The following CORO2A variants were observed in gnomAD, a reference collection of about 807,000 sequenced individuals.
CORO2A encodes coronin-2A.
A neutral mutation model predicts 62.4 loss-of-function variants in CORO2A; 47 were observed. The observed-to-expected ratio is 0.75, with a 90% CI of 0.60 to 0.96. The LOEUF is 0.96. Ranked by LOEUF, CORO2A falls within the 40% of genes least tolerant of loss-of-function variation. The pLI, the probability that CORO2A is intolerant of heterozygous loss-of-function variation, is 0.00. For synonymous variants in CORO2A, 273 were observed against 268.9 expected (o/e 1.02, Z -0.15); for missense variants, 610 against 684.1 (o/e 0.89, Z 1.21).
intron 2 of CORO2A, among the ~76,000 whole-genome samples, chr9:98,139,317 C>T (rs903253181): frequency 3.9e-5 from 6 of 152,010 alleles, no homozygotes; most frequent in African/African-American, 1.2e-4. Context: ...CAGGACAAAA[C>T]CCCGTCTCTA....
chr9:98,143,188 G>A (rs1172731138), intron 2 of CORO2A, among the ~76,000 whole-genome samples: 2 of 152,200 alleles, frequency 1.3e-5, no homozygotes, highest in Admixed American at 6.5e-5. Context: ...AAGTCTCCAA[G>A]GGGCTGCCCT....
At chr9:98,180,132 G>A (rs1828159450) in intron 1 of CORO2A, among the ~76,000 whole-genome samples, 1 of 152,164 alleles carries the variant, frequency 6.6e-6, no homozygotes, top group Admixed American at 6.5e-5. Context: ...CTCCCTGACA[G>A]GGCAGGCTGC....
At chr9:98,140,421 T>C (rs966797494) in intron 2 of CORO2A, among the ~76,000 whole-genome samples, 3 of 151,792 alleles carry the variant, frequency 2.0e-5, no homozygotes, top group African/African-American at 7.3e-5. Context: ...CCTCCCCATC[T>C]GTGTAGAGAC....
At chr9:98,163,875 C>T (rs1410431845) in intron 1 of CORO2A, among the ~76,000 whole-genome samples, 3 of 152,104 alleles carry the variant, frequency 2.0e-5, no homozygotes, top group East Asian at 1.9e-4. Context: ...GTGGCTGAAA[C>T]TGAACCCAAA....
At chr9:98,145,554 C>T (rs1827634110) in intron 2 of CORO2A, among the ~76,000 whole-genome samples, 1 of 152,126 alleles carries the variant, frequency 6.6e-6, no homozygotes. Context: ...CTATGGAAGG[C>T]TCTGAGGTTC....
At chr9:98,139,515 T>G (rs111314116) in intron 2 of CORO2A, among the ~76,000 whole-genome samples, 1 of 152,144 alleles carries the variant, frequency 6.6e-6, no homozygotes, top group African/African-American at 2.4e-5. Flanking sequence ...TAATCCAAGC[T>G]ACTTGGGAGA....
At chr9:98,169,868 C>T (rs995815520) in intron 1 of CORO2A, among the ~76,000 whole-genome samples, 12 of 152,150 alleles carry the variant, frequency 7.9e-5, no homozygotes, top group African/African-American at 2.7e-4. Context: ...CTTCCTGTCA[C>T]CCCACCTTCC....
intron 8 of CORO2A, 135 bp downstream of exon 8, chr9:98,129,655 GTTGC>G (rs2118799453): frequency 1.4e-6 from 1 of 695,258 alleles, no homozygotes; most frequent in Admixed American, 2.0e-5. Flanking sequence ...AAGTCAGAGT[GTTGC>G]TATGCTGTCT....
chr9:98,183,401 C>T (rs1284581499), intron 1 of CORO2A, among the ~76,000 whole-genome samples: 1 of 152,232 alleles, frequency 6.6e-6, no homozygotes, highest in Non-Finnish European at 1.5e-5. Flanking sequence ...CCCAACTGTT[C>T]CGAAGGCCAG....
chr9:98,189,077 C>T (rs925505151), intron 1 of CORO2A, among the ~76,000 whole-genome samples: 3 of 152,186 alleles, frequency 2.0e-5, no homozygotes, highest in Non-Finnish European at 2.9e-5. Context: ...GTAAGGAGCA[C>T]ACCGCTCTTT....
At chr9:98,164,490 C>T (rs1827932540) in intron 1 of CORO2A, among the ~76,000 whole-genome samples, 1 of 152,210 alleles carries the variant, frequency 6.6e-6, no homozygotes, top group African/African-American at 2.4e-5. Flanking sequence ...TAAGGCCACC[C>T]TGCTGCCAAC....
intron 2 of CORO2A, among the ~76,000 whole-genome samples, chr9:98,153,381 G>GT (rs1827754085): frequency 6.6e-6 from 1 of 150,520 alleles, no homozygotes; most frequent in Admixed American, 6.6e-5. Context: ...GATTACAGGC[G>GT]TAAGCCAGCG....
chr9:98,166,114 C>T (rs760592181), intron 1 of CORO2A, among the ~76,000 whole-genome samples: 5 of 152,182 alleles, frequency 3.3e-5, no homozygotes, highest in Non-Finnish European at 5.9e-5. Flanking sequence ...TAACTGTGCA[C>T]ACAGAGTATG....
chr9:98,178,115 T>G (rs898979008), intron 1 of CORO2A, among the ~76,000 whole-genome samples: 1 of 152,168 alleles, frequency 6.6e-6, no homozygotes, highest in African/African-American at 2.4e-5. Flanking sequence ...GGTGCCATCA[T>G]AGCTCATTGT....
chr9:98,126,772 G>A lies in CORO2A; in HGVS notation c.1223C>T (p.Pro408Leu). The A allele has an allele frequency of 6.2e-7, 1 of 1,614,214 alleles. No individual in the cohort carries two copies. Among genetic ancestry groups the A allele is most frequent in the Non-Finnish European group, 8.5e-7 (1 of 1,180,044 alleles). The change falls in exon 11 of 12, where the codon CCA becomes CTA. Residue 408 changes from proline to leucine, a missense_variant. Transcript: ENST00000375077. The stretch of plus-strand genomic sequence containing the variant: ...GAAGATAGGTCTCTCTGCAGGCAGT[G>A]GGTGGGGTCTCAGCAGCTCAGAGCC... ...RPGSELLRPH[P>L]LPAERPIFNS...
chr9:98,172,795 CAGG>C (rs1345901840), intron 1 of CORO2A: 1 of 152,276 alleles, frequency 6.6e-6, no homozygotes, highest in Non-Finnish European at 1.5e-5. Flanking sequence ...GCCAGAAAGG[CAGG>C]AGGCCAGACT....
At chr9:98,159,162 G>A (rs537762728) in intron 1 of CORO2A, among the ~76,000 whole-genome samples, 66 of 152,064 alleles carry the variant, frequency 4.3e-4, no homozygotes, top group Non-Finnish European at 6.9e-4. Flanking sequence ...TGACCTCAAG[G>A]ATCCTCCTGC....
intron 1 of CORO2A, among the ~76,000 whole-genome samples, chr9:98,165,056 C>T (rs1267742163): frequency 1.3e-5 from 2 of 152,134 alleles, no homozygotes; most frequent in African/African-American, 4.8e-5. Context: ...GCAGCCTCAA[C>T]CTCCTGGGCT....
chr9:98,171,285 T>A (rs1828031017), intron 1 of CORO2A, among the ~76,000 whole-genome samples: 1 of 152,148 alleles, frequency 6.6e-6, no homozygotes, highest in African/African-American at 2.4e-5. Context: ...GCTCTGTAAC[T>A]CTGGTCCTGG....
Sources: allele counts gnomAD v4.1 joint callset (sites outside exome capture counted in the v4.1 genomes callset), GRCh38; gene constraint gnomAD v4.1.1; transcripts MANE v1.5; gene names NCBI Gene and HGNC (gene_info 2026-07-23, HGNC 2026-07-21).